The following RGL1 variants were observed in gnomAD, a reference collection of about 807,000 sequenced individuals.
The protein encoded by RGL1 is ral guanine nucleotide dissociation stimulator-like 1.
Under a neutral mutation model 95.2 loss-of-function variants are expected in RGL1, and 24 were observed. The ratio of observed to expected loss-of-function variants is 0.25; its 90% CI spans 0.18 to 0.35. The LOEUF (loss-of-function observed/expected upper bound fraction) is 0.35. Ranked by LOEUF, RGL1 falls within the 10% of genes least tolerant of loss-of-function variation. The probability of loss-of-function intolerance (pLI) is 1.00; values close to 1 mark genes in which losing one functional copy is unlikely to be tolerated. For missense variants in RGL1, 715 were observed against 936.3 expected, an observed-to-expected ratio of 0.76 and a Z score of 3.08; for synonymous variants, 329 against 344.9, an observed-to-expected ratio of 0.95 and a Z score of 0.51.
intron 6 of RGL1, among the ~76,000 whole-genome samples, chr1:183,884,299 A>T (rs1204850253): frequency 6.6e-6 from 1 of 152,216 alleles, no homozygotes; most frequent in Non-Finnish European, 1.5e-5. Flanking sequence ...AAATAAATTC[A>T]CAGAATCCAC....
At chr1:183,685,517 T>TTG (rs1653520091) in intron 1 of RGL1, among the ~76,000 whole-genome samples, 1 of 152,206 alleles carries the variant, frequency 6.6e-6, no homozygotes, top group South Asian at 2.1e-4. Flanking sequence ...GCTTTTAATG[T>TTG]TACATACAAT....
intron 2 of RGL1, among the ~76,000 whole-genome samples, chr1:183,788,678 G>A (rs1660297853): frequency 6.6e-6 from 1 of 152,006 alleles, no homozygotes. Flanking sequence ...ATTATTTGAA[G>A]GATTATGGGA....
chr1:183,856,769 T>G (rs890547046), intron 3 of RGL1, among the ~76,000 whole-genome samples: 2 of 151,900 alleles, frequency 1.3e-5, no homozygotes, highest in Non-Finnish European at 2.9e-5. Flanking sequence ...AAAAGAGGAT[T>G]GTAAGAAGGG....
chr1:183,658,200 G>C (rs999309339), intron 1 of RGL1, among the ~76,000 whole-genome samples: 2 of 152,218 alleles, frequency 1.3e-5, no homozygotes, highest in Non-Finnish European at 2.9e-5. Context: ...GTGCCAGACA[G>C]TGGGCGCAGG....
At chr1:183,703,561 T>C (rs1001058659) in intron 1 of RGL1, among the ~76,000 whole-genome samples, 6 of 152,198 alleles carry the variant, frequency 3.9e-5, no homozygotes, top group African/African-American at 1.4e-4. Flanking sequence ...ACTTTTCTGA[T>C]GTTTGAAGCG....
At chr1:183,736,537 A>T (rs1289645385) in intron 1 of RGL1, among the ~76,000 whole-genome samples, 1 of 152,214 alleles carries the variant, frequency 6.6e-6, no homozygotes, top group African/African-American at 2.4e-5. Context: ...TTTGAGTAAA[A>T]CTAAAATGCA....
At chr1:183,875,111 T>C (rs114614956) in intron 4 of RGL1, among the ~76,000 whole-genome samples, 1,768 of 152,334 alleles carry the variant, frequency 0.012, 30 homozygotes, top group African/African-American at 0.039. Flanking sequence ...GAAAAACATT[T>C]TGCTGCTTTT....
chr1:183,875,939 T>C (rs1666472366), intron 4 of RGL1, among the ~76,000 whole-genome samples: 1 of 152,088 alleles, frequency 6.6e-6, no homozygotes, highest in South Asian at 2.1e-4. Flanking sequence ...CCCAACTCTT[T>C]ATATTTTTTA....
chr1:183,831,937 G>T (rs1041706618), intron 2 of RGL1, among the ~76,000 whole-genome samples: 1 of 152,174 alleles, frequency 6.6e-6, no homozygotes, highest in Non-Finnish European at 1.5e-5. Flanking sequence ...CTTTTGGTGG[G>T]CATATACACT....
intron 1 of RGL1, among the ~76,000 whole-genome samples, chr1:183,734,297 G>A (rs545026852): frequency 3.5e-4 from 53 of 152,256 alleles, no homozygotes; most frequent in African/African-American, 1.2e-3. Context: ...TTTGTAAGTG[G>A]AACACTGACT....
At chr1:183,722,724 G>A (rs1656081621) in intron 1 of RGL1, among the ~76,000 whole-genome samples, 1 of 152,194 alleles carries the variant, frequency 6.6e-6, no homozygotes. Flanking sequence ...TCTAGACCCA[G>A]AGAAAACACC....
chr1:183,647,746 C>T, intron 1 of RGL1: 1 of 1,613,982 alleles, frequency 6.2e-7, no homozygotes, highest in Non-Finnish European at 8.5e-7. Flanking sequence ...TCTGTGATTT[C>T]CACTATCTCC....
At chr1:183,886,370 TTC>T (rs1433441634) in intron 7 of RGL1, among the ~76,000 whole-genome samples, 4 of 152,148 alleles carry the variant, frequency 2.6e-5, no homozygotes, top group South Asian at 2.1e-4. Context: ...AGTGTAGAAG[TTC>T]TCTGTTTTTT....
intron 2 of RGL1, among the ~76,000 whole-genome samples, chr1:183,836,102 G>A (rs1208374027): frequency 6.6e-6 from 1 of 152,110 alleles, no homozygotes; most frequent in African/African-American, 2.4e-5. Flanking sequence ...TTGTTGTAAG[G>A]GTTGAGCATC....
Position 183,668,935 on chromosome 1 carries a change from C to CTTTTTTT in RGL1, c.-33+32438_-33+32439insTTTTTTT, listed in dbSNP as rs551008973. Among the ~76,000 whole-genome samples the CTTTTTTT allele has an allele frequency of 3.5e-4, 41 of 115,558 alleles. 8 individuals carry two copies. The highest frequency in any genetic ancestry group is 4.9e-4 in the Non-Finnish European group (27 of 55,454). The allele number at this position is 115,558 out of a possible 152,430, so 75.8% of individuals were successfully genotyped here. A position where few individuals can be genotyped will look rare whatever the true frequency, so the allele number is the denominator to read the frequency against. On this transcript the variant is annotated intron_variant, in intron 1 of 18. Coordinates refer to the RGL1 transcript ENST00000304685. The stretch of plus-strand genomic sequence containing the variant: ...CTTTTTGCTTTTGGTATTGGACTTT[C>CTTTTTTT]TTTTCTTTTTTTTTTTTTTTGAGAT...
chr1:183,722,595 C>T, intron 1 of RGL1, among the ~76,000 whole-genome samples: 1 of 152,114 alleles, frequency 6.6e-6, no homozygotes, highest in South Asian at 2.1e-4. Flanking sequence ...AAAAAGGGCA[C>T]ATTCCATACA....
intron 1 of RGL1, among the ~76,000 whole-genome samples, chr1:183,663,745 T>C (rs1448360536): frequency 6.6e-6 from 1 of 151,556 alleles, no homozygotes; most frequent in Admixed American, 6.5e-5. Context: ...ATCATGCTGC[T>C]ATAAAGACAC....
intron 2 of RGL1, among the ~76,000 whole-genome samples, chr1:183,813,959 C>T (rs530644435): frequency 1.3e-5 from 2 of 152,258 alleles, no homozygotes; most frequent in South Asian, 4.2e-4. Context: ...TTTGGTTCAC[C>T]TTATAATGTC....
chr1:183,884,846 A>G lies in RGL1; in HGVS notation c.859A>G (p.Thr287Ala). Residue 287 changes from threonine (T) to alanine (A), a missense_variant, in exon 7 of 18, where the codon ACC becomes GCC. This residue lies in a region of RGL1 where 381 missense variants were observed against 484.8 expected (regional missense o/e 0.79). Transcript: ENST00000360851. ...RATISQFNTLTKCVVSTILGG... is the reference protein window; with the variant it reads ...RATISQFNTLAKCVVSTILGG... ...CACCATCTCTCAGTTTAATACCCTCACCAAATGTGTTGTCAGCACCATCCT... is the reference window on the plus strand; with the variant it reads ...CACCATCTCTCAGTTTAATACCCTCGCCAAATGTGTTGTCAGCACCATCCT... 2 of 1,614,012 alleles carry G rather than the reference A, an allele frequency of 1.2e-6. No homozygotes were observed. The highest frequency in any genetic ancestry group is 1.7e-6 in the Non-Finnish European group (2 of 1,179,906).
Sources: gnomAD v4.1 joint callset for allele counts (sites outside exome capture counted in the v4.1 genomes callset) on GRCh38, gnomAD v4.1.1 for gene constraint, gnomAD v4.1.1 regional missense constraint, MANE v1.5 for transcripts, NCBI Gene and HGNC (gene_info 2026-07-23, HGNC 2026-07-21) for gene names.